KLRG1: variants seen among roughly 807,000 people sequenced by gnomAD.
KLRG1 encodes killer cell lectin like receptor G1.
KLRG1 carries 16 observed loss-of-function variants against 21.8 expected under a neutral mutation model. That is an observed-to-expected ratio of 0.73 (90% CI 0.50 to 1.11). The LOEUF (loss-of-function observed/expected upper bound fraction) is 1.11. KLRG1 is among the 50% of genes most tolerant of loss of function. The probability of loss-of-function intolerance (pLI) is 0.00; values close to 1 mark genes in which losing one functional copy is unlikely to be tolerated. For synonymous variants in KLRG1, 69 were observed against 75.9 expected, an observed-to-expected ratio of 0.91 and a Z score of 0.47; for missense variants, 173 against 218.3, an observed-to-expected ratio of 0.79 and a Z score of 1.31.
chr12:9,175,957 G>A, the KLRG1 span, among the ~76,000 whole-genome samples: 1 of 152,084 alleles, frequency 6.6e-6, no homozygotes, highest in Admixed American at 6.5e-5. Context: ...TCCATTACTG[G>A]GTGTATAGCC....
At chr12:9,180,851 G>C in the KLRG1 span, 26 of 859,798 alleles carry the variant, frequency 3.0e-5, no homozygotes, top group African/African-American at 4.1e-4. Flanking sequence ...ACTACCATCA[G>C]AGTGAACAGG....
chr12:9,011,791 GGAGA>G (rs1947635665), downstream of KLRG1, among the ~76,000 whole-genome samples: 1 of 152,150 alleles, frequency 6.6e-6, no homozygotes, highest in South Asian at 2.1e-4. Flanking sequence ...AGTGTGGTGT[GGAGA>G]GAGAGTCTGT....
At chr12:9,150,923 A>G in the KLRG1 span, among the ~76,000 whole-genome samples, 2 of 152,204 alleles carry the variant, frequency 1.3e-5, no homozygotes, top group Non-Finnish European at 2.9e-5. Context: ...TTTACAGTCA[A>G]CAAATTTTCA....
At chr12:9,182,183 C>G in the KLRG1 span, 1 of 217,704 alleles carries the variant, frequency 4.6e-6, no homozygotes, top group Non-Finnish European at 7.4e-6. Context: ...AAAATAGTGT[C>G]ATAAGGACAC....
At chr12:9,199,696 A>G in the KLRG1 span, among the ~76,000 whole-genome samples, 1 of 152,174 alleles carries the variant, frequency 6.6e-6, no homozygotes, top group Non-Finnish European at 1.5e-5. Context: ...TAAGATATTT[A>G]TAGATTCCTA....
the KLRG1 span, among the ~76,000 whole-genome samples, chr12:9,100,044 G>A: frequency 6.6e-6 from 1 of 152,180 alleles, no homozygotes; most frequent in Admixed American, 6.5e-5. Context: ...ACTAATGAGA[G>A]AGTAGATTAC....
chr12:9,041,001 A>T, the KLRG1 span, among the ~76,000 whole-genome samples: 1 of 152,210 alleles, frequency 6.6e-6, no homozygotes, highest in Non-Finnish European at 1.5e-5. Context: ...GTTTCCAAAG[A>T]TGCACATCAC....
chr12:9,128,967 AC>A, the KLRG1 span, among the ~76,000 whole-genome samples: 1 of 152,172 alleles, frequency 6.6e-6, no homozygotes, highest in Non-Finnish European at 1.5e-5. Flanking sequence ...AGTACTACAC[AC>A]CTGGACTATA....
At chr12:8,952,764 A>T (rs1946226372) in intron 1 of KLRG1, among the ~76,000 whole-genome samples, 1 of 152,224 alleles carries the variant, frequency 6.6e-6, no homozygotes, top group Non-Finnish European at 1.5e-5. Flanking sequence ...CAGGAACTAC[A>T]GTATTAATAC....
the KLRG1 span, among the ~76,000 whole-genome samples, chr12:9,212,023 T>A: frequency 6.6e-6 from 1 of 152,086 alleles, no homozygotes; most frequent in African/African-American, 2.4e-5. Context: ...ACGAGATATG[T>A]GGATGAATGT....
At chr12:9,201,429 T>A in the KLRG1 span, 2 of 1,059,446 alleles carry the variant, frequency 1.9e-6, no homozygotes, top group Non-Finnish European at 2.8e-6. Flanking sequence ...AACAACAAAC[T>A]GAGGAAGAAT....
At chr12:9,054,506 C>T in the KLRG1 span, among the ~76,000 whole-genome samples, 1 of 151,990 alleles carries the variant, frequency 6.6e-6, no homozygotes, top group Non-Finnish European at 1.5e-5. Flanking sequence ...AAGCATACAA[C>T]GTGTAATGAT....
the KLRG1 span, among the ~76,000 whole-genome samples, chr12:9,044,773 A>G: frequency 6.6e-6 from 1 of 152,236 alleles, no homozygotes; most frequent in Admixed American, 6.5e-5. Context: ...GAGGGAGTAT[A>G]GATTTGTGTA....
chr12:9,070,707 T>C, the KLRG1 span: 2 of 653,800 alleles, frequency 3.1e-6, no homozygotes, highest in Non-Finnish European at 5.2e-6. Context: ...CTTATCCCAG[T>C]GGTTTGTAAA....
At chr12:9,069,840 G>A in the KLRG1 span, 6 of 1,606,628 alleles carry the variant, frequency 3.7e-6, no homozygotes, top group Middle Eastern at 3.3e-4. Context: ...TACCACAAAT[G>A]TTAATAAATA....
chr12:9,137,895 A>G, the KLRG1 span, among the ~76,000 whole-genome samples: 1 of 152,038 alleles, frequency 6.6e-6, no homozygotes, highest in Non-Finnish European at 1.5e-5. Flanking sequence ...GTATTTGTGT[A>G]TTAGTTTTAA....
chr12:8,964,210 T>C (rs1036455855), intron 1 of KLRG1, among the ~76,000 whole-genome samples: 1 of 152,258 alleles, frequency 6.6e-6, no homozygotes, highest in African/African-American at 2.4e-5. Context: ...GCTTTGAATG[T>C]GTCCCAGAGA....
the KLRG1 span, among the ~76,000 whole-genome samples, chr12:9,197,624 A>G: frequency 1.2e-5 from 1 of 82,024 alleles, no homozygotes; most frequent in Non-Finnish European, 2.1e-5. Context: ...ATATTTATAT[A>G]TTATATTATA....
At chr12:9,206,628 G>C in the KLRG1 span, among the ~76,000 whole-genome samples, 1 of 152,162 alleles carries the variant, frequency 6.6e-6, no homozygotes, top group African/African-American at 2.4e-5. Context: ...CAAGGCAGGG[G>C]AGAATGGCTA....
Sources: gnomAD v4.1 joint callset for allele counts (sites outside exome capture counted in the v4.1 genomes callset) on GRCh38, gnomAD v4.1.1 for gene constraint, MANE v1.5 for transcripts, NCBI Gene and HGNC (gene_info 2026-07-23, HGNC 2026-07-21) for gene names.